SLC22A23: variants seen among roughly 807,000 people sequenced by gnomAD.
SLC22A23 encodes the protein solute carrier family 22 member 23, also known as ion transporter protein.
Under a neutral mutation model 61.0 loss-of-function variants are expected in SLC22A23, and 26 were observed. The observed-to-expected ratio is 0.43, with a 90% CI of 0.31 to 0.59. The LOEUF is 0.59. SLC22A23 is among the 20% of genes least tolerant of loss of function. The pLI, the probability that SLC22A23 is intolerant of heterozygous loss-of-function variation, is 0.11. For missense variants in SLC22A23, 796 were observed against 934.7 expected (o/e 0.85, Z 1.94); for synonymous variants, 430 against 413.9 (o/e 1.04, Z -0.47).
intron 4 of SLC22A23, among the ~76,000 whole-genome samples, chr6:3,305,350 C>T (rs1761900897): frequency 6.6e-6 from 1 of 152,260 alleles, no homozygotes. Context: ...CTGGACGGCA[C>T]TCCGGTGACT....
intron 3 of SLC22A23, among the ~76,000 whole-genome samples, chr6:3,350,545 G>A (rs1764706662): frequency 6.6e-6 from 1 of 152,210 alleles, no homozygotes; most frequent in Admixed American, 6.5e-5. Flanking sequence ...GGAGTAGTAG[G>A]TGGGGCAGAG....
rs1470018285 is a variant in SLC22A23 at position 3,271,193 on chromosome 6, A to G, written c.*1862T>C. The G allele has an allele frequency of 1.3e-5, 2 of 152,242 alleles. No individual in the cohort carries two copies. The highest frequency in any genetic ancestry group is 6.6e-5 in the Admixed American group (1 of 15,254). The allele number at this position is 152,242 out of a possible 1,614,324, so 9.4% of individuals were successfully genotyped here. Reference sequence around the variant, plus strand: ...GCCTTTGTAAAGGTGAATGCAAACTAATGTTGAAACATGGAAATGTGACTT... The same window carrying G: ...GCCTTTGTAAAGGTGAATGCAAACTGATGTTGAAACATGGAAATGTGACTT... On this transcript the variant is annotated 3_prime_UTR_variant, in exon 10 of 10. Coordinates refer to ENST00000406686, the MANE Select transcript of SLC22A23 (RefSeq NM_015482.2).
intron 4 of SLC22A23, among the ~76,000 whole-genome samples, chr6:3,307,686 C>G (rs1029593423): frequency 6.6e-6 from 1 of 152,218 alleles, no homozygotes; most frequent in Admixed American, 6.5e-5. Context: ...GCTGGGACAG[C>G]CCCCGGTGTG....
intron 3 of SLC22A23, among the ~76,000 whole-genome samples, chr6:3,382,517 T>C (rs1189284246): frequency 6.6e-6 from 1 of 152,206 alleles, no homozygotes; most frequent in Non-Finnish European, 1.5e-5. Context: ...CCCCCTGGGC[T>C]CTGTGATCAA....
intron 9 of SLC22A23, among the ~76,000 whole-genome samples, chr6:3,277,997 G>A (rs913946853): frequency 1.3e-5 from 2 of 152,214 alleles, no homozygotes; most frequent in Non-Finnish European, 2.9e-5. Flanking sequence ...CCCACAGCCC[G>A]TGAGGAAACA....
Position 3,329,612 on chromosome 6 carries a change from G to C in SLC22A23, c.914-5610C>G, listed in dbSNP as rs1361505564. On this transcript the variant is annotated intron_variant, in intron 3 of 9. Transcript: ENST00000406686. This position sits in a 1 kb window ranked among gnomAD's most constrained non-coding sequence, Gnocchi z 4.8. ...ATTCCTCCCCGGCCTCTGCTGGGCG[G>C]TGTGAAGTTACTCAGCCGCTCTGAG... 6.6e-6 allele frequency among the ~76,000 whole-genome samples: 1 copy of C among 152,200 alleles called. No individual in the cohort carries two copies. Among genetic ancestry groups the C allele is most frequent in the Non-Finnish European group, 1.5e-5 (1 of 68,034 alleles).
intron 5 of SLC22A23, among the ~76,000 whole-genome samples, chr6:3,293,563 C>T (rs1202320905): frequency 2.0e-5 from 3 of 152,366 alleles, no homozygotes; most frequent in African/African-American, 2.4e-5. Context: ...AACAACTGAC[C>T]GGGCACTGCC....
intron 9 of SLC22A23, among the ~76,000 whole-genome samples, chr6:3,278,600 C>T (rs370754198): frequency 2.9e-4 from 44 of 152,336 alleles, no homozygotes; most frequent in African/African-American, 9.1e-4. Flanking sequence ...GCTTGCGGAT[C>T]ACACGGGCTT....
At chr6:3,343,049 C>T (rs572092259) in intron 3 of SLC22A23, among the ~76,000 whole-genome samples, 25 of 152,308 alleles carry the variant, frequency 1.6e-4, no homozygotes, top group African/African-American at 5.3e-4. Flanking sequence ...GCATCAACTT[C>T]TCATCTTCAC....
At chr6:3,361,057 C>CG (rs575376387) in intron 3 of SLC22A23, among the ~76,000 whole-genome samples, 6,448 of 64,542 alleles carry the variant, frequency 0.1, 156 homozygotes, top group Middle Eastern at 0.13. Flanking sequence ...TATTTCTACC[C>CG]ACCCCCCCCA....
chr6:3,369,050 CTTTTTT>C (rs34847864), intron 3 of SLC22A23, among the ~76,000 whole-genome samples: 2 of 147,504 alleles, frequency 1.4e-5, no homozygotes, highest in Non-Finnish European at 3.0e-5. Flanking sequence ...GTGAGGTTTA[CTTTTTT>C]TTTTTTTATG....
At chr6:3,402,224 G>A (rs1349543152) in intron 3 of SLC22A23, among the ~76,000 whole-genome samples, 2 of 152,140 alleles carry the variant, frequency 1.3e-5, no homozygotes, top group African/African-American at 4.8e-5. Context: ...CCAGCTCCTA[G>A]CTTGGCCTTC....
intron 1 of SLC22A23, among the ~76,000 whole-genome samples, chr6:3,447,900 T>C (rs1159907131): frequency 4.4e-5 from 6 of 136,572 alleles, no homozygotes; most frequent in African/African-American, 1.7e-4. Context: ...TCTCTCTCTT[T>C]TTTTTTTTTT....
intron 4 of SLC22A23, among the ~76,000 whole-genome samples, chr6:3,305,611 C>T (rs991509326): frequency 1.3e-5 from 2 of 152,144 alleles, no homozygotes; most frequent in Non-Finnish European, 2.9e-5. Context: ...AAGTACATAA[C>T]GTAATAACGC....
At position 3,456,123 on chromosome 6, in the gene SLC22A23, C is replaced by A. The variant is rs968923170; in HGVS notation, c.437G>T (p.Gly146Val). ...GCTGGTCCAGTTGCCCATGTCCCCG[C>A]CCCGGCCTGTGGTGGTGACCCCTGC... ...ELAGVTTTGR[G>V]GDMGNWTSLP... Residue 146 changes from glycine (G) to valine (V), a missense_variant, in exon 1 of 10, where the codon GGC becomes GTC. Gly to Val is a moderately radical substitution (Grantham distance 109). Transcript: ENST00000406686. This position sits in a 1 kb window ranked among gnomAD's most constrained non-coding sequence, Gnocchi z 7.1. 5.8e-6 allele frequency: 9 copies of A among 1,551,014 alleles called. No homozygotes were observed. Among genetic ancestry groups the A allele is most frequent in the Non-Finnish European group, 7.8e-6 (9 of 1,146,790 alleles).
chr6:3,449,709 TTATTAG>T (rs1399105537), intron 1 of SLC22A23, among the ~76,000 whole-genome samples: 2 of 152,192 alleles, frequency 1.3e-5, no homozygotes, highest in East Asian at 3.8e-4. Flanking sequence ...ACCACACATA[TTATTAG>T]TATAATTGTG....
chr6:3,279,387 C>G (rs983549941), intron 9 of SLC22A23, among the ~76,000 whole-genome samples: 1 of 150,948 alleles, frequency 6.6e-6, no homozygotes, highest in African/African-American at 2.4e-5. Context: ...GGCGCGTGCA[C>G]GTAATCCCAG....
rs1335934117 is a variant in SLC22A23, at chr6:3,372,160, C to G, written c.913+38028G>C. Among the ~76,000 whole-genome samples the G allele has an allele frequency of 5.9e-5, 9 of 152,140 alleles. No individual in the cohort carries two copies. Among genetic ancestry groups the G allele is most frequent in the African/African-American group, 2.2e-4 (9 of 41,428 alleles). On this transcript the variant is annotated intron_variant, in intron 3 of 9. Coordinates refer to ENST00000406686, the MANE Select transcript of SLC22A23 (RefSeq NM_015482.2). The surrounding 1 kb of genome is among the most constrained non-coding windows in gnomAD (Gnocchi z 4.7). The stretch of plus-strand genomic sequence containing the variant: ...CTAGTCCAGGATCTGAGCTCTGCCT[C>G]GAGGGCACAGACTCCTGTGATGAGG...
At chr6:3,423,944 G>A (rs1369383575) in intron 1 of SLC22A23, among the ~76,000 whole-genome samples, 1 of 152,142 alleles carries the variant, frequency 6.6e-6, no homozygotes, top group Non-Finnish European at 1.5e-5. Flanking sequence ...ATCCATCCTG[G>A]AGAGAACTTG....
Sources: allele counts gnomAD v4.1 joint callset (sites outside exome capture counted in the v4.1 genomes callset), GRCh38; gene constraint gnomAD v4.1.1; non-coding constraint Gnocchi (gnomAD v3.1); transcripts MANE v1.5; gene names NCBI Gene and HGNC (gene_info 2026-07-23, HGNC 2026-07-21).